The following PPP2R5E variants were observed in gnomAD, a reference collection of about 807,000 sequenced individuals.
PPP2R5E encodes the protein serine/threonine-protein phosphatase 2A 56 kDa regulatory subunit epsilon isoform.
PPP2R5E carries 4 observed loss-of-function variants against 65.3 expected under a neutral mutation model. The observed-to-expected ratio is 0.06, with a 90% CI of 0.03 to 0.14. PPP2R5E has a LOEUF of 0.14. Among genes scored for constraint, PPP2R5E ranks in the 10% least tolerant of loss-of-function variants. The pLI is 1.00. For synonymous variants in PPP2R5E, 183 were observed against 187.4 expected (o/e 0.98, Z 0.19); for missense variants, 274 against 556.1 (o/e 0.49, Z 5.10).
Position 63,453,476 on chromosome 14 carries a change from T to A in PPP2R5E, c.354+213A>T, listed in dbSNP as rs1172250837. The stretch of plus-strand genomic sequence containing the variant: ...TCATATTTTGAAGTCATTTATTGCT[T>A]CAGCACTGTCGTAGTTAAAGTTCTG... On this transcript the variant is annotated intron_variant, in intron 3 of 13. Transcript: ENST00000337537. 1.3e-5 allele frequency: 5 copies of A among 381,700 alleles called. No homozygotes were observed. In the East Asian group the frequency reaches 2.0e-4, roughly 15 times the overall value. The allele number at this position is 381,700 out of a possible 1,614,324, so 23.6% of individuals were successfully genotyped here.
intron 2 of PPP2R5E, among the ~76,000 whole-genome samples, chr14:63,506,623 T>C (rs1192794767): frequency 6.6e-6 from 1 of 152,040 alleles, no homozygotes; most frequent in Non-Finnish European, 1.5e-5. Context: ...AAGATGACTA[T>C]CATCAAAAAG....
intron 2 of PPP2R5E, among the ~76,000 whole-genome samples, chr14:63,537,325 T>C (rs1010717682): frequency 6.6e-6 from 1 of 152,186 alleles, no homozygotes; most frequent in African/African-American, 2.4e-5. Flanking sequence ...TCAGATTAAA[T>C]AGATTACTAA....
chr14:63,488,553 A>G (rs1891115748), intron 2 of PPP2R5E, among the ~76,000 whole-genome samples: 1 of 152,100 alleles, frequency 6.6e-6, no homozygotes, highest in Non-Finnish European at 1.5e-5. Context: ...CCTTCTAAAA[A>G]ATTCCCAAAA....
At chr14:63,533,817 C>T (rs1485673121) in intron 2 of PPP2R5E, among the ~76,000 whole-genome samples, 3 of 152,014 alleles carry the variant, frequency 2.0e-5, no homozygotes, top group African/African-American at 7.2e-5. Context: ...TGGTGGCAGA[C>T]ACCTGTAATC....
chr14:63,429,714 A>G lies in PPP2R5E; in HGVS notation c.355-7620T>C, dbSNP rs529882752. ...GTTTTTTTTTTTGAGACAGATTTTC[A>G]TGCTTGTTGCCCAGGCTGGAGTGCA... is the stretch of plus-strand genomic sequence containing the variant. On this transcript the variant is annotated intron_variant, in intron 3 of 13. Coordinates refer to ENST00000337537, the MANE Select transcript of PPP2R5E (RefSeq NM_006246.5). 1.7e-4 allele frequency among the ~76,000 whole-genome samples: 26 copies of G among 150,336 alleles called. No homozygotes were observed. In the South Asian group the frequency reaches 5.4e-3, roughly 31 times the overall value.
chr14:63,393,382 G>A (rs139905382), intron 8 of PPP2R5E, among the ~76,000 whole-genome samples: 1 of 152,246 alleles, frequency 6.6e-6, no homozygotes, highest in African/African-American at 2.4e-5. Flanking sequence ...CCCTCGGGGA[G>A]TATTTTAAAC....
At chr14:63,403,238 G>A (rs1334825634) in intron 5 of PPP2R5E, among the ~76,000 whole-genome samples, 1 of 151,942 alleles carries the variant, frequency 6.6e-6, no homozygotes, top group East Asian at 1.9e-4. Flanking sequence ...ACCAACATGG[G>A]CTAACATGGT....
rs943998223 is a variant in PPP2R5E at position 63,374,018 on chromosome 14, A to G, written c.*1991T>C. ...TCAATGTTCTTTAAAAAAAAAAAAA[A>G]AAAAACTATTAATTCCATTAAACCA... On this transcript the variant is annotated 3_prime_UTR_variant, in exon 14 of 14. Coordinates refer to ENST00000337537, the MANE Select transcript of PPP2R5E (RefSeq NM_006246.5). 1 of 151,490 alleles carries G rather than the reference A, an allele frequency of 6.6e-6. No individual in the cohort carries two copies. The highest frequency in any genetic ancestry group is 1.5e-5 in the Non-Finnish European group (1 of 67,860). The allele number at this position is 151,490 out of a possible 1,614,324, so 9.4% of individuals were successfully genotyped here. A position where few individuals can be genotyped will look rare whatever the true frequency, so the allele number is the denominator to read the frequency against.
intron 2 of PPP2R5E, among the ~76,000 whole-genome samples, chr14:63,510,232 T>C (rs774656927): frequency 1.3e-5 from 2 of 152,088 alleles, no homozygotes; most frequent in African/African-American, 4.8e-5. Context: ...CCAACAACAA[T>C]GGGACACAGA....
intron 2 of PPP2R5E, among the ~76,000 whole-genome samples, chr14:63,510,877 A>T (rs1175611046): frequency 1.3e-5 from 2 of 152,248 alleles, no homozygotes; most frequent in Admixed American, 6.5e-5. Context: ...AAAAGGTGGA[A>T]GCAGCAGGGA....
intron 2 of PPP2R5E, among the ~76,000 whole-genome samples, chr14:63,523,074 G>A (rs1365384643): frequency 3.5e-4 from 52 of 148,236 alleles, no homozygotes; most frequent in South Asian, 1.4e-3. Context: ...CGCCCCGTCC[G>A]GGAGGGAGGT....
At chr14:63,433,504 T>A (rs922958004) in intron 3 of PPP2R5E, among the ~76,000 whole-genome samples, 2 of 152,178 alleles carry the variant, frequency 1.3e-5, no homozygotes, top group Non-Finnish European at 2.9e-5. Flanking sequence ...CTTGCCTGAT[T>A]CTGCAGAGAA....
intron 5 of PPP2R5E, among the ~76,000 whole-genome samples, chr14:63,404,265 C>T (rs17101152): frequency 0.014 from 2,066 of 151,930 alleles, 49 homozygotes; most frequent in African/African-American, 0.048. Flanking sequence ...AATTACCCTG[C>T]CCTATTCCAT....
In PPP2R5E at chr14:63,466,488, TGGCATGTAGTACACA is replaced by T. The variant is rs1271886962; in HGVS notation, c.158-12618_158-12604del. ...TAATCTCAGCAGTAAAATCCAGGGATGGCATGTAGTACACAGGCATGTAGTACACAGTCCCCTAAT... is the reference window on the plus strand; with the variant it reads ...TAATCTCAGCAGTAAAATCCAGGGATGGCATGTAGTACACAGTCCCCTAAT... On this transcript the variant is annotated intron_variant, in intron 2 of 13. Coordinates refer to ENST00000337537, the MANE Select transcript of PPP2R5E (RefSeq NM_006246.5). Among the ~76,000 whole-genome samples the T allele has an allele frequency of 3.3e-5, 5 of 152,320 alleles. No individual in the cohort carries two copies. The East Asian group carries it at 9.6e-4, about 29-fold the overall frequency.
intron 2 of PPP2R5E, among the ~76,000 whole-genome samples, chr14:63,505,288 T>C (rs556841204): frequency 6.6e-6 from 1 of 151,990 alleles, no homozygotes; most frequent in South Asian, 2.1e-4. Flanking sequence ...CTCTGTCAAA[T>C]AAATAAATAA....
At chr14:63,444,973 A>G (rs989201492) in intron 3 of PPP2R5E, among the ~76,000 whole-genome samples, 2 of 152,246 alleles carry the variant, frequency 1.3e-5, no homozygotes, top group Admixed American at 6.5e-5. Context: ...AGAAAGGCAT[A>G]ATCCATTCAA....
At chr14:63,493,026 G>A (rs1891356128) in intron 2 of PPP2R5E, among the ~76,000 whole-genome samples, 1 of 152,144 alleles carries the variant, frequency 6.6e-6, no homozygotes, top group Non-Finnish European at 1.5e-5. Flanking sequence ...AGAGCAGCCA[G>A]CCGCTCTAGG....
At chr14:63,492,673 T>C (rs1891337810) in intron 2 of PPP2R5E, among the ~76,000 whole-genome samples, 1 of 152,150 alleles carries the variant, frequency 6.6e-6, no homozygotes, top group South Asian at 2.1e-4. Context: ...ACTTGAAATG[T>C]GGAATAAGAA....
chr14:63,469,656 T>A (rs529345535), intron 2 of PPP2R5E, among the ~76,000 whole-genome samples: 4 of 152,188 alleles, frequency 2.6e-5, no homozygotes, highest in Admixed American at 6.5e-5. Context: ...ATCGTGCCAC[T>A]GCACTCCAGC....
Sources: gnomAD v4.1 joint callset for allele counts (sites outside exome capture counted in the v4.1 genomes callset) on GRCh38, gnomAD v4.1.1 for gene constraint, MANE v1.5 for transcripts, NCBI Gene and HGNC (gene_info 2026-07-23, HGNC 2026-07-21) for gene names.